ACOD1: variants seen among roughly 807,000 people sequenced by gnomAD.
ACOD1 encodes the protein cis-aconitate decarboxylase.
ACOD1 carries 14 observed loss-of-function variants against 14.2 expected under a neutral mutation model. The ratio of observed to expected loss-of-function variants is 0.99; its 90% CI spans 0.65 to 1.54. ACOD1 has a LOEUF of 1.54. ACOD1 is among the 40% of genes most tolerant of loss of function. The pLI, the probability that ACOD1 is intolerant of heterozygous loss-of-function variation, is 0.00. For missense variants in ACOD1, 530 were observed against 586.3 expected, an observed-to-expected ratio of 0.90 and a Z score of 0.99; for synonymous variants, 182 against 221.7, an observed-to-expected ratio of 0.82 and a Z score of 1.59.
rs113335677 is a variant in ACOD1 at position 76,955,575 on chromosome 13, T to C, written c.470+51T>C. ...AAGGTAGTCACATCCCCTTCATCTA[T>C]CAATCATTATCTCCGTAGAGCTTTC... On this transcript the variant is annotated intron_variant, in intron 4 of 4. Transcript: ENST00000377462. 3.2e-5 allele frequency: 47 copies of C among 1,455,658 alleles called. No individual in the cohort carries two copies. In the African/African-American group the frequency reaches 4.6e-4, roughly 14 times the overall value. 90.2% of individuals were successfully genotyped at this position (1,455,658 alleles called of 1,614,324 possible). A position where few individuals can be genotyped will look rare whatever the true frequency, so the allele number is the denominator to read the frequency against.
Position 76,952,638 on chromosome 13 carries a change from C to T in ACOD1, c.162C>T (p.Ser54=), listed in dbSNP as rs1433245402. 9.7e-6 allele frequency: 15 copies of T among 1,549,804 alleles called. No homozygotes were observed. Among genetic ancestry groups the T allele is most frequent in the Middle Eastern group, 1.7e-4 (1 of 5,960 alleles). ...GTTTEVFHIA[S]QYSKIYSSNI... is the part of the protein sequence containing the mutation. ...CTACGGAAGTGTTTCACATAGCCAGCCAATATAGCAAGGTAAGAAGCTCAA... is the reference window on the plus strand; with the variant it reads ...CTACGGAAGTGTTTCACATAGCCAGTCAATATAGCAAGGTAAGAAGCTCAA... Residue 54 remains serine (S), a synonymous_variant, in exon 2 of 5, where the codon AGC becomes AGT. Coordinates refer to ENST00000377462, the MANE Select transcript of ACOD1 (RefSeq NM_001258406.2).
Position 76,958,087 on chromosome 13 carries a change from G to A in ACOD1, c.*102G>A. 8.6e-7 allele frequency: 1 copy of A among 1,163,918 alleles called. No individual in the cohort carries two copies. Among genetic ancestry groups the A allele is most frequent in the Non-Finnish European group, 1.2e-6 (1 of 855,094 alleles). The allele number at this position is 1,163,918 out of a possible 1,614,324, so 72.1% of individuals were successfully genotyped here. On this transcript the variant is annotated 3_prime_UTR_variant, in exon 5 of 5. Transcript: ENST00000377462. ...GGTTTTCCCAGGAAAAATGAACAAAGATGGAGAGAGTCCAGAAACAGAACT... is the reference window on the plus strand; with the variant it reads ...GGTTTTCCCAGGAAAAATGAACAAAAATGGAGAGAGTCCAGAAACAGAACT...
intron 4 of ACOD1, 85 bp downstream of exon 4, chr13:76,955,609 A>G (rs766478486): frequency 2.5e-6 from 3 of 1,210,528 alleles, no homozygotes; most frequent in Non-Finnish European, 3.5e-6. Context: ...TCTGACTTAG[A>G]GGCCGGTTCA....
intron 2 of ACOD1, 138 bp downstream of exon 2, chr13:76,952,788 C>T (rs2033835459): frequency 1.4e-6 from 1 of 710,822 alleles, no homozygotes; most frequent in South Asian, 2.2e-5. Context: ...TCCTATGTTC[C>T]ATTATCTGAG....
At chr13:76,956,607 G>C (rs970979647) in intron 4 of ACOD1, among the ~76,000 whole-genome samples, 1 of 152,030 alleles carries the variant, frequency 6.6e-6, no homozygotes, top group Non-Finnish European at 1.5e-5. Flanking sequence ...CTGCCTCCCA[G>C]GTTCAAGGGA....
In ACOD1 at chr13:76,953,594, T is replaced by A. The variant is rs755343821; in HGVS notation, c.175-6T>A. 6.5e-7 allele frequency: 1 copy of A among 1,529,046 alleles called. No individual in the cohort carries two copies. The highest frequency in any genetic ancestry group is 1.4e-5 in the African/African-American group (1 of 72,766). The allele number at this position is 1,529,046 out of a possible 1,614,324, so 94.7% of individuals were successfully genotyped here. ...ACTATCACTGGTTGATTTGCTTTTG[T>A]TCCAGATCTACAGTTCCAACATATC... On this transcript the variant is annotated splice_polypyrimidine_tract_variant and splice_region_variant and intron_variant, in intron 2 of 4. Transcript: ENST00000377462.
At chr13:76,949,200 G>C (rs957432938) in intron 1 of ACOD1, among the ~76,000 whole-genome samples, 2 of 152,076 alleles carry the variant, frequency 1.3e-5, no homozygotes, top group Non-Finnish European at 2.9e-5. Flanking sequence ...CCGGGAGGTG[G>C]AGCTTGCAGT....
intron 4 of ACOD1, among the ~76,000 whole-genome samples, chr13:76,955,800 T>C (rs1211677344): frequency 2.6e-5 from 4 of 152,208 alleles, no homozygotes; most frequent in Non-Finnish European, 5.9e-5. Context: ...GAGTATTCCT[T>C]ATTTCATTCT....
chr13:76,951,788 A>G (rs1333500680), intron 1 of ACOD1, among the ~76,000 whole-genome samples: 4 of 152,130 alleles, frequency 2.6e-5, no homozygotes, highest in Admixed American at 2.6e-4. Context: ...ATGCTTCCAG[A>G]GGTTCCATTT....
intron 1 of ACOD1, among the ~76,000 whole-genome samples, chr13:76,948,892 T>TA (rs1445472752): frequency 6.6e-6 from 1 of 152,232 alleles, no homozygotes; most frequent in African/African-American, 2.4e-5. Context: ...ACCTTCTGTA[T>TA]AAGATAAGCT....
At chr13:76,954,298 C>G (rs901607938) in intron 3 of ACOD1, among the ~76,000 whole-genome samples, 1 of 152,050 alleles carries the variant, frequency 6.6e-6, no homozygotes, top group South Asian at 2.1e-4. Context: ...AAGTTAAAGC[C>G]AACGGTGCAT....
At chr13:76,951,138 T>A (rs771086291) in intron 1 of ACOD1, among the ~76,000 whole-genome samples, 1 of 152,234 alleles carries the variant, frequency 6.6e-6, no homozygotes, top group East Asian at 1.9e-4. Flanking sequence ...TTTTCTAGTA[T>A]TTTAAATTTT....
Position 76,957,445 on chromosome 13 carries a change from A to G in ACOD1, c.906A>G (p.Pro302=), listed in dbSNP as rs1217953250. The G allele has an allele frequency of 6.4e-7, 1 of 1,550,518 alleles. No individual in the cohort carries two copies. Among genetic ancestry groups the G allele is most frequent in the African/African-American group, 1.4e-5 (1 of 73,062 alleles). Residue 302 remains proline, a synonymous_variant, in exon 5 of 5, where the codon CCA becomes CCG. Coordinates refer to ENST00000377462, the MANE Select transcript of ACOD1 (RefSeq NM_001258406.2). ...KHLVAERALL[P]TDYIKRIVLR... Reference sequence around the variant, plus strand: ...TTGTAGCAGAGAGAGCCCTGCTTCCAACTGACTACATTAAGAGAATTGTGC... The same window carrying G: ...TTGTAGCAGAGAGAGCCCTGCTTCCGACTGACTACATTAAGAGAATTGTGC...
At chr13:76,950,723 T>A (rs1192824914) in intron 1 of ACOD1, among the ~76,000 whole-genome samples, 1 of 152,150 alleles carries the variant, frequency 6.6e-6, no homozygotes, top group African/African-American at 2.4e-5. Context: ...TGTCTACCCC[T>A]CTCCAATCCA....
intron 4 of ACOD1, 99 bp from the exon 5 acceptor site, chr13:76,956,907 CCAGA>C: frequency 2.4e-6 from 3 of 1,241,760 alleles, no homozygotes; most frequent in Non-Finnish European, 3.3e-6. Flanking sequence ...AGATCTGAAC[CCAGA>C]CAGTGTGACT....
In ACOD1 at chr13:76,952,503, C is replaced by T; in HGVS notation, c.27C>T (p.Ser9=). The change falls in exon 2 of 5, where the codon AGC becomes AGT. Residue 9 remains serine (S), a synonymous_variant. Transcript: ENST00000377462. MMLKSITE[S]FATAIHGLKV... Reference sequence around the variant, plus strand: ...TCCCTTTAAAGTCTATCACAGAAAGCTTTGCCACAGCAATCCATGGCTTGA... The same window carrying T: ...TCCCTTTAAAGTCTATCACAGAAAGTTTTGCCACAGCAATCCATGGCTTGA... The T allele has an allele frequency of 1.3e-6, 2 of 1,550,354 alleles. No individual in the cohort carries two copies. Among genetic ancestry groups the T allele is most frequent in the Non-Finnish European group, 1.7e-6 (2 of 1,146,904 alleles).
At chr13:76,953,744 T>A in intron 3 of ACOD1, 55 bp downstream of exon 3, 2 of 1,087,700 alleles carry the variant, frequency 1.8e-6, no homozygotes, top group Non-Finnish European at 2.7e-6. Flanking sequence ...AATTTTAGAG[T>A]CAGGAAATAT....
chr13:76,952,304 C>T (rs974790583), intron 1 of ACOD1, among the ~76,000 whole-genome samples, 185 bp from the exon 2 acceptor site: 7 of 152,096 alleles, frequency 4.6e-5, no homozygotes, highest in Non-Finnish European at 7.4e-5. Context: ...CATTACTCTG[C>T]CTCACACATA....
chr13:76,953,902 G>A (rs1455400913), intron 3 of ACOD1, among the ~76,000 whole-genome samples: 1 of 152,120 alleles, frequency 6.6e-6, no homozygotes, highest in Non-Finnish European at 1.5e-5. Flanking sequence ...TGTAGCAGAG[G>A]AAAGAAGATG....
Sources: gnomAD v4.1 joint callset for allele counts (sites outside exome capture counted in the v4.1 genomes callset) on GRCh38, gnomAD v4.1.1 for gene constraint, MANE v1.5 for transcripts, NCBI Gene and HGNC (gene_info 2026-07-23, HGNC 2026-07-21) for gene names.